IGF1R: variants seen among roughly 807,000 people sequenced by gnomAD.
The protein encoded by IGF1R is insulin-like growth factor 1 receptor.
Under a neutral mutation model 144.6 loss-of-function variants are expected in IGF1R, and 44 were observed. The ratio of observed to expected loss-of-function variants is 0.30; its 90% CI spans 0.24 to 0.39. The LOEUF is 0.39. IGF1R is among the 10% of genes least tolerant of loss of function. IGF1R has a pLI of 1.00. For missense variants in IGF1R, 1,355 were observed against 1,833.7 expected, an observed-to-expected ratio of 0.74 and a Z score of 4.77; for synonymous variants, 795 against 722.8, an observed-to-expected ratio of 1.10 and a Z score of -1.60.
chr15:98,664,395 T>C (rs1212072262), intron 1 of IGF1R, among the ~76,000 whole-genome samples: 2 of 152,180 alleles, frequency 1.3e-5, no homozygotes, highest in African/African-American at 4.8e-5. Context: ...CCGAGTGCGG[T>C]GGCTCATGCC....
chr15:98,710,433 C>T (rs1033553191), intron 2 of IGF1R, among the ~76,000 whole-genome samples: 13 of 151,906 alleles, frequency 8.6e-5, no homozygotes, highest in African/African-American at 3.1e-4. Flanking sequence ...GTGTGGTAGC[C>T]GCTTATTGAG....
chr15:98,916,428 A>G (rs543989066), intron 9 of IGF1R: 112 of 562,836 alleles, frequency 2.0e-4, no homozygotes, highest in South Asian at 3.2e-4. Context: ...TGCCCAGCTA[A>G]TTTTTGTATT....
At chr15:98,748,608 CTG>C (rs2054928040) in intron 2 of IGF1R, among the ~76,000 whole-genome samples, 1 of 152,182 alleles carries the variant, frequency 6.6e-6, no homozygotes, top group South Asian at 2.1e-4. Flanking sequence ...AATTGGAAAA[CTG>C]TAGGAAACTG....
At chr15:98,756,306 C>T (rs1353558751) in intron 2 of IGF1R, among the ~76,000 whole-genome samples, 1 of 150,950 alleles carries the variant, frequency 6.6e-6, no homozygotes, top group Non-Finnish European at 1.5e-5. Context: ...ATAGGCATCC[C>T]CTGTAGTCCC....
At chr15:98,878,645 T>C (rs1383184176) in intron 2 of IGF1R, among the ~76,000 whole-genome samples, 19 of 132,078 alleles carry the variant, frequency 1.4e-4, no homozygotes, top group Non-Finnish European at 2.6e-4. Context: ...ATTTCTCTCT[T>C]CTTATTTGTG....
At chr15:98,726,227 G>A (rs1283215884) in intron 2 of IGF1R, among the ~76,000 whole-genome samples, 2 of 152,188 alleles carry the variant, frequency 1.3e-5, no homozygotes, top group Non-Finnish European at 2.9e-5. Context: ...AAGGTGCCAT[G>A]CAGCTAAGCA....
At chr15:98,930,634 A>G (rs2015903629) in intron 15 of IGF1R, among the ~76,000 whole-genome samples, 2 of 151,582 alleles carry the variant, frequency 1.3e-5, no homozygotes, top group South Asian at 4.2e-4. Flanking sequence ...AATTGTTAAC[A>G]TCTAGTCAGA....
At position 98,874,959 on chromosome 15, in the gene IGF1R, T is replaced by G. The variant is rs141710573; in HGVS notation, c.641-16366T>G. On this transcript the variant is annotated intron_variant, in intron 2 of 20. Coordinates refer to ENST00000650285, the MANE Select transcript of IGF1R (RefSeq NM_000875.5). ...GTGAACAAATGCTGACTTCAGCCTTTACCCTGGGTTTCAGGTCACACTGAT... is the reference window on the plus strand; with the variant it reads ...GTGAACAAATGCTGACTTCAGCCTTGACCCTGGGTTTCAGGTCACACTGAT... 1.2e-4 allele frequency among the ~76,000 whole-genome samples: 18 copies of G among 152,364 alleles called. 1 individual carries two copies. The East Asian group carries it at 3.5e-3, about 29-fold the overall frequency.
intron 3 of IGF1R, among the ~76,000 whole-genome samples, chr15:98,892,869 T>C (rs576424785): frequency 7.9e-5 from 12 of 152,004 alleles, no homozygotes; most frequent in African/African-American, 1.9e-4. Context: ...AAAAAAAAAT[T>C]AGTTTGGCTT....
intron 15 of IGF1R, among the ~76,000 whole-genome samples, chr15:98,933,493 G>T (rs2016022444): frequency 6.6e-6 from 1 of 151,902 alleles, no homozygotes; most frequent in South Asian, 2.1e-4. Flanking sequence ...CCAGGTGTGT[G>T]CCATCACACC....
At chr15:98,774,184 C>T (rs2055656885) in intron 2 of IGF1R, among the ~76,000 whole-genome samples, 1 of 152,144 alleles carries the variant, frequency 6.6e-6, no homozygotes, top group Non-Finnish European at 1.5e-5. Context: ...TGAATCCCTT[C>T]AAATCAGATC....
At chr15:98,897,923 A>T (rs1383098825) in intron 4 of IGF1R, among the ~76,000 whole-genome samples, 4 of 146,346 alleles carry the variant, frequency 2.7e-5, no homozygotes, top group African/African-American at 5.0e-5. Flanking sequence ...TTTATGAAGA[A>T]TTTTTTTTTT....
In IGF1R at chr15:98,948,791, T is replaced by C. The variant is rs930460999; in HGVS notation, c.3722+83T>C. ...TCTTGGGTCACAGGAGATTAGGAGATTAAAGCCATTCTCTCTGGTCCTGCG... is the reference window on the plus strand; with the variant it reads ...TCTTGGGTCACAGGAGATTAGGAGACTAAAGCCATTCTCTCTGGTCCTGCG... On this transcript the variant is annotated intron_variant, in intron 20 of 20. Transcript: ENST00000650285. The C allele has an allele frequency of 6.0e-6, 9 of 1,491,938 alleles. No homozygotes were observed. In the African/African-American group the frequency reaches 1.2e-4, roughly 21 times the overall value. 92.4% of individuals were successfully genotyped at this position (1,491,938 alleles called of 1,614,324 possible).
chr15:98,880,559 G>A (rs2013320264), intron 2 of IGF1R: 1 of 152,188 alleles, frequency 6.6e-6, no homozygotes, highest in African/African-American at 2.4e-5. Flanking sequence ...AATCTACTTG[G>A]AACTTGGATA....
intron 13 of IGF1R, among the ~76,000 whole-genome samples, chr15:98,926,657 A>G (rs1013869309): frequency 6.6e-6 from 1 of 152,244 alleles, no homozygotes; most frequent in Non-Finnish European, 1.5e-5. Context: ...TCTGTTTGTG[A>G]TATCTGAAAA....
rs1044049667 is a variant in IGF1R, at chr15:98,911,415, C to T, written c.1563C>T (p.Ile521=). The stretch of plus-strand genomic sequence containing the variant: ...GGCCCCCTGACTACAGGGATCTCAT[C>T]AGCTTCACCGTTTACTACAAGGAAG... ...RYRPPDYRDL[I]SFTVYYKEAP... is the part of the protein sequence containing the mutation. The change falls in exon 7 of 21, where the codon ATC becomes ATT. Residue 521 remains isoleucine (I), a synonymous_variant. Transcript: ENST00000650285. The T allele has an allele frequency of 1.4e-5, 22 of 1,614,094 alleles. No individual in the cohort carries two copies. The highest frequency in any genetic ancestry group is 1.8e-5 in the Non-Finnish European group (21 of 1,180,044).
chr15:98,887,882 T>A (rs1216421906), intron 2 of IGF1R, among the ~76,000 whole-genome samples: 1 of 152,230 alleles, frequency 6.6e-6, no homozygotes, highest in Non-Finnish European at 1.5e-5. Flanking sequence ...TACGAAGGTC[T>A]GGGCATGTTG....
At chr15:98,696,217 C>T (rs1351633609) in intron 1 of IGF1R, among the ~76,000 whole-genome samples, 1 of 152,168 alleles carries the variant, frequency 6.6e-6, no homozygotes, top group East Asian at 1.9e-4. Flanking sequence ...GCTCTTGACT[C>T]TGTCATCCAG....
chr15:98,708,344 C>A (rs1165428579), intron 2 of IGF1R, among the ~76,000 whole-genome samples: 1 of 152,184 alleles, frequency 6.6e-6, no homozygotes, highest in African/African-American at 2.4e-5. Flanking sequence ...GCCATCATGG[C>A]TGCTGTCAAG....
Sources: allele counts gnomAD v4.1 joint callset (sites outside exome capture counted in the v4.1 genomes callset), GRCh38; gene constraint gnomAD v4.1.1; transcripts MANE v1.5; gene names NCBI Gene and HGNC (gene_info 2026-07-23, HGNC 2026-07-21).